DST: variants seen among roughly 807,000 people sequenced by gnomAD.
The protein encoded by DST is bullous pemphigoid antigen.
In DST, 253 loss-of-function variants were observed where a neutral mutation model predicts 875.2. The ratio of observed to expected loss-of-function variants is 0.29; its 90% CI spans 0.26 to 0.32. The LOEUF (loss-of-function observed/expected upper bound fraction) is 0.32, where lower values mean the gene tolerates loss of function less well. Ranked by LOEUF, DST falls within the 10% of genes least tolerant of loss-of-function variation. DST has a pLI of 1.00. For missense variants in DST, 8,287 were observed against 9,111.6 expected, an observed-to-expected ratio of 0.91 and a Z score of 3.68; for synonymous variants, 3,124 against 3,197.1, an observed-to-expected ratio of 0.98 and a Z score of 0.77.
intron 4 of DST, among the ~76,000 whole-genome samples, chr6:56,765,335 A>G (rs1355970083): frequency 6.6e-6 from 1 of 152,182 alleles, no homozygotes; most frequent in East Asian, 1.9e-4. Context: ...AGATATTTTG[A>G]ATTTCATAAC....
At chr6:56,611,235 C>T (rs780690418) in intron 38 of DST, among the ~76,000 whole-genome samples, 2 of 152,152 alleles carry the variant, frequency 1.3e-5, no homozygotes, top group African/African-American at 2.4e-5. Context: ...GGAGTCTGCA[C>T]TCTACCTCTC....
chr6:56,922,819 A>C (rs1254154609), intron 2 of DST, among the ~76,000 whole-genome samples: 1 of 152,202 alleles, frequency 6.6e-6, no homozygotes. Context: ...TGAGCTTTGT[A>C]CAGCTGGTCA....
intron 36 of DST, chr6:56,618,690 G>A: frequency 2.5e-6 from 4 of 1,613,734 alleles, no homozygotes; most frequent in Non-Finnish European, 3.4e-6. Context: ...TCTTGTTGAA[G>A]AGACACAAAG....
chr6:56,861,003 A>T (rs999628485), intron 3 of DST, among the ~76,000 whole-genome samples: 3 of 152,124 alleles, frequency 2.0e-5, no homozygotes, highest in African/African-American at 7.2e-5. Flanking sequence ...TGTTAAAAAA[A>T]AAAGCAATTA....
At chr6:56,528,691 C>G in intron 67 of DST, 150 bp downstream of exon 67, 1 of 629,032 alleles carries the variant, frequency 1.6e-6, no homozygotes, top group Non-Finnish European at 2.8e-6. Context: ...TAACCACCCC[C>G]TTGATTGGTC....
intron 69 of DST, among the ~76,000 whole-genome samples, chr6:56,525,829 C>G (rs1290515304): frequency 6.6e-6 from 1 of 152,156 alleles, no homozygotes; most frequent in Admixed American, 6.6e-5. Context: ...AGTATACATT[C>G]TGCAGGAGTT....
intron 10 of DST, among the ~76,000 whole-genome samples, chr6:56,669,886 G>C (rs932572593): frequency 6.6e-6 from 1 of 152,128 alleles, no homozygotes; most frequent in African/African-American, 2.4e-5. Context: ...AAGTATTAGC[G>C]TGGATTTAGC....
chr6:56,503,699 T>C (rs1017582089), intron 78 of DST, among the ~76,000 whole-genome samples: 1 of 151,698 alleles, frequency 6.6e-6, no homozygotes, highest in Non-Finnish European at 1.5e-5. Flanking sequence ...TCTAGGTATA[T>C]AACATTTTGG....
chr6:56,752,081 ATTCT>A (rs2099588806), intron 4 of DST, among the ~76,000 whole-genome samples: 1 of 151,162 alleles, frequency 6.6e-6, no homozygotes. Flanking sequence ...TTTCCAAACT[ATTCT>A]TTTTTTTTTT....
At chr6:56,738,129 A>G (rs536386888) in intron 4 of DST, among the ~76,000 whole-genome samples, 7 of 151,964 alleles carry the variant, frequency 4.6e-5, no homozygotes, top group Non-Finnish European at 7.4e-5. Context: ...AACACCTTCC[A>G]TTTCCTATCA....
chr6:56,660,443 T>C (rs2099033107), intron 10 of DST, among the ~76,000 whole-genome samples: 1 of 152,178 alleles, frequency 6.6e-6, no homozygotes, highest in Non-Finnish European at 1.5e-5. Flanking sequence ...AAGACACATA[T>C]GCCACTTAAC....
At chr6:56,894,858 A>AC (rs1248469756) in intron 3 of DST, among the ~76,000 whole-genome samples, 19 of 45,246 alleles carry the variant, frequency 4.2e-4, no homozygotes, top group Non-Finnish European at 6.8e-4. Flanking sequence ...CGGGGGGCTG[A>AC]CCCCCCCACC....
rs2098916944 is a variant in DST at position 56,642,572 on chromosome 6, G to A, written c.1779-69C>T. On this transcript the variant is annotated intron_variant, in intron 15 of 103. Transcript: ENST00000680361. ...TCAAAGAGCTCACCATTCCTGAAAAGTGCTGCCCATCAAAAAGTAAAACAC... is the reference window on the plus strand; with the variant it reads ...TCAAAGAGCTCACCATTCCTGAAAAATGCTGCCCATCAAAAAGTAAAACAC... The A allele has an allele frequency of 1.9e-6, 3 of 1,610,922 alleles. No individual in the cohort carries two copies. The Admixed American group carries it at 5.0e-5, about 27-fold the overall frequency.
At chr6:56,768,406 A>G (rs748729996) in intron 4 of DST, among the ~76,000 whole-genome samples, 1 of 152,226 alleles carries the variant, frequency 6.6e-6, no homozygotes, top group Non-Finnish European at 1.5e-5. Context: ...TAGTAAAGTG[A>G]TCTTTGACAA....
Position 56,600,173 on chromosome 6 carries a change from A to C in DST, c.11590T>G (p.Cys3864Gly), listed in dbSNP as rs1486998447. 2 of 1,612,926 alleles carry C rather than the reference A, an allele frequency of 1.2e-6. No individual in the cohort carries two copies. Among genetic ancestry groups the C allele is most frequent in the African/African-American group, 2.7e-5 (2 of 74,862 alleles). Residue 3864 changes from cysteine to glycine, a missense_variant, in exon 45 of 104, where the codon TGT becomes GGT. By Grantham distance (159) the Cys-to-Gly change is radical. This residue lies in a region of DST where 3,138 missense variants were observed against 3,116.6 expected (regional missense o/e 1.01). Transcript: ENST00000680361. The stretch of plus-strand genomic sequence containing the variant: ...TTTTCAGTTTGGGTAAGAAGATCAC[A>C]TATCCCTTGGAGTTTCTCTTTATAC... The part of the protein sequence containing the change: ...QEYKEKLQGI[C>G]DLLTQTENRL...
chr6:56,696,759 A>C (rs6901176), intron 9 of DST, among the ~76,000 whole-genome samples: 41,967 of 151,830 alleles, frequency 0.28, 7,477 homozygotes, highest in African/African-American at 0.5. Flanking sequence ...GCTCACCATT[A>C]TTTCTACTTG....
At chr6:56,580,725 CTTT>C (rs1167715487) in intron 49 of DST, among the ~76,000 whole-genome samples, 84 of 121,022 alleles carry the variant, frequency 6.9e-4, no homozygotes, top group African/African-American at 2.4e-3. Flanking sequence ...TTTACTTTTT[CTTT>C]TTTTTTTTTT....
chr6:56,805,446 C>A (rs969478985), intron 4 of DST, among the ~76,000 whole-genome samples: 3 of 152,024 alleles, frequency 2.0e-5, no homozygotes, highest in African/African-American at 7.2e-5. Flanking sequence ...AGTAGTTATA[C>A]CAGCTCTTAA....
chr6:56,822,543 T>C (rs948706015), intron 4 of DST, among the ~76,000 whole-genome samples: 1 of 152,160 alleles, frequency 6.6e-6, no homozygotes, highest in Non-Finnish European at 1.5e-5. Flanking sequence ...AGAAACTGTA[T>C]GAAGCCAGGT....
Sources: allele counts gnomAD v4.1 joint callset (sites outside exome capture counted in the v4.1 genomes callset), GRCh38; gene constraint gnomAD v4.1.1; regional missense constraint gnomAD v4.1.1; transcripts MANE v1.5; gene names NCBI Gene and HGNC (gene_info 2026-07-23, HGNC 2026-07-21).